Variants in BRAP observed in about 807,000 individuals in gnomAD.
The protein encoded by BRAP is BRCA1 associated protein.
Under a neutral mutation model 73.4 loss-of-function variants are expected in BRAP, and 42 were observed. The ratio of observed to expected loss-of-function variants is 0.57; its 90% CI spans 0.45 to 0.74. The LOEUF (loss-of-function observed/expected upper bound fraction) is 0.74. Ranked by LOEUF, BRAP falls within the 30% of genes least tolerant of loss-of-function variation. The pLI, the probability that BRAP is intolerant of heterozygous loss-of-function variation, is 0.00. For synonymous variants in BRAP, 255 were observed against 267.4 expected (o/e 0.95, Z 0.45); for missense variants, 593 against 751.4 (o/e 0.79, Z 2.46).
Position 111,685,832 on chromosome 12 carries a change from G to C in BRAP, c.-40C>G. 6.7e-7 allele frequency: 1 copy of C among 1,482,602 alleles called. No homozygotes were observed. Among genetic ancestry groups the C allele is most frequent in the Non-Finnish European group, 9.0e-7 (1 of 1,117,146 alleles). 91.8% of individuals were successfully genotyped at this position (1,482,602 alleles called of 1,614,324 possible). ...CCGGCGCGGGCCCCGGCGGGCTCAG[G>C]CGAGGCTGGAAGGCGAGCCGAGAGG... On this transcript the variant is annotated 5_prime_UTR_variant, in exon 1 of 12. Coordinates refer to ENST00000419234, the MANE Select transcript of BRAP (RefSeq NM_006768.5).
At chr12:111,676,023 C>T (rs948975638) in intron 4 of BRAP, among the ~76,000 whole-genome samples, 4 of 151,190 alleles carry the variant, frequency 2.6e-5, no homozygotes, top group African/African-American at 9.8e-5. Flanking sequence ...GGTAAGCACA[C>T]CCCCCCTTTT....
At chr12:111,682,497 C>CAAAAAAAAA (rs11366915) in intron 2 of BRAP, among the ~76,000 whole-genome samples, 43 of 77,706 alleles carry the variant, frequency 5.5e-4, no homozygotes, top group Non-Finnish European at 7.3e-4. Flanking sequence ...GAGACTGTCT[C>CAAAAAAAAA]AAAAAAAAAA....
At chr12:111,685,513 G>C (rs543555349) in intron 1 of BRAP, 198 bp downstream of exon 1, 70 of 1,258,382 alleles carry the variant, frequency 5.6e-5, no homozygotes, top group African/African-American at 7.8e-5. Flanking sequence ...AGGGAGGTTC[G>C]GGGCAGGGCT....
At chr12:111,657,276 T>G (rs1886572868) in intron 9 of BRAP, among the ~76,000 whole-genome samples, 1 of 152,032 alleles carries the variant, frequency 6.6e-6, no homozygotes, top group Admixed American at 6.6e-5. Context: ...ACTCCTGACC[T>G]CAGGTGATCC....
chr12:111,653,552 C>T (rs17628828), intron 10 of BRAP, among the ~76,000 whole-genome samples: 7,792 of 152,226 alleles, frequency 0.051, 264 homozygotes, highest in South Asian at 0.093. Context: ...GCTGTGCTCA[C>T]ATGCTATAAT....
intron 3 of BRAP, among the ~76,000 whole-genome samples, chr12:111,681,159 C>G (rs1438740675): frequency 6.6e-6 from 1 of 151,978 alleles, no homozygotes; most frequent in Non-Finnish European, 1.5e-5. Context: ...AACCTGAGGT[C>G]GGAGTTCAAG....
chr12:111,650,025 G>A lies in BRAP; in HGVS notation c.1329C>T (p.Thr443=), dbSNP rs1249546415. ...DTAEEINNMK[T]KFKETIEKCD... Reference sequence around the variant, plus strand: ...ACTTCTCAATTGTTTCTTTAAACTTGGTCTTCATGTTGTTAATCTGAAAGA... The same window carrying A: ...ACTTCTCAATTGTTTCTTTAAACTTAGTCTTCATGTTGTTAATCTGAAAGA... The change falls in exon 11 of 12, where the codon ACC becomes ACT. Residue 443 remains threonine, a synonymous_variant. Coordinates refer to ENST00000419234, the MANE Select transcript of BRAP (RefSeq NM_006768.5). 9 of 1,606,068 alleles carry A rather than the reference G, an allele frequency of 5.6e-6. No homozygotes were observed. The highest frequency in any genetic ancestry group is 4.5e-5 in the East Asian group (2 of 44,798).
rs568563023 is a variant in BRAP, at chr12:111,654,270, T to C, written c.1311+1296A>G. 1.0e-3 allele frequency among the ~76,000 whole-genome samples: 155 copies of C among 152,152 alleles called. 3 individuals carry two copies. The South Asian group carries it at 0.031, about 31-fold the overall frequency. ...ACATGCATTGATTAGAAGGCTCTTG[T>C]AAGAAGTTCATCAATAACTTTTAAC... On this transcript the variant is annotated intron_variant, in intron 10 of 11. Coordinates refer to ENST00000419234, the MANE Select transcript of BRAP (RefSeq NM_006768.5).
chr12:111,672,842 A>G lies in BRAP; in HGVS notation c.634-68T>C. The stretch of plus-strand genomic sequence containing the variant: ...ACCCTGAAAATCTGCTTTATATTCA[A>G]TATGCATGGCTTTATTCATTCTCAT... On this transcript the variant is annotated intron_variant, in intron 4 of 11. Coordinates refer to ENST00000419234, the MANE Select transcript of BRAP (RefSeq NM_006768.5). 8.2e-6 allele frequency: 10 copies of G among 1,225,892 alleles called. No individual in the cohort carries two copies. In the South Asian group the frequency reaches 1.3e-4, roughly 16 times the overall value. 75.9% of individuals were successfully genotyped at this position (1,225,892 alleles called of 1,614,324 possible). A position where few individuals can be genotyped will look rare whatever the true frequency, so the allele number is the denominator to read the frequency against.
At chr12:111,657,893 C>G (rs537110481) in intron 9 of BRAP, among the ~76,000 whole-genome samples, 55 of 151,930 alleles carry the variant, frequency 3.6e-4, no homozygotes, top group Middle Eastern at 3.4e-3. Context: ...GAACTTGAGA[C>G]AACTACAGAC....
intron 8 of BRAP, 140 bp downstream of exon 8, chr12:111,659,067 G>A: frequency 9.8e-7 from 1 of 1,016,796 alleles, no homozygotes; most frequent in Non-Finnish European, 1.4e-6. Flanking sequence ...GAAAAATAGT[G>A]CCCTCAGGGA....
chr12:111,674,110 C>T (rs1322954417), intron 4 of BRAP, among the ~76,000 whole-genome samples: 1 of 152,214 alleles, frequency 6.6e-6, no homozygotes, highest in African/African-American at 2.4e-5. Context: ...AGATTCAGGG[C>T]TGCACCAGGC....
chr12:111,658,919 AT>A (rs932418888), intron 8 of BRAP, 74 bp from the exon 9 acceptor site: 132 of 1,208,758 alleles, frequency 1.1e-4, no homozygotes, highest in Middle Eastern at 4.3e-4. Flanking sequence ...CTCTGACAAA[AT>A]TTTTTTTTCA....
rs1462724596 is a variant in BRAP at position 111,658,778 on chromosome 12, C to A, written c.1179G>T (p.Gly393=). 6.2e-7 allele frequency: 1 copy of A among 1,612,084 alleles called. No homozygotes were observed. Among genetic ancestry groups the A allele is most frequent in the African/African-American group, 1.3e-5 (1 of 74,822 alleles). ...DGKIVQYECE[G]DTCQEEKIDA... ...CTATTTTCTCTTCCTGGCAAGTATC[C>A]CCCTCACATTCATACTGTACTATTT... Residue 393 remains glycine, a synonymous_variant, in exon 9 of 12, where the codon GGG becomes GGT. Transcript: ENST00000419234.
chr12:111,668,335 T>C (rs1887036930), intron 5 of BRAP, among the ~76,000 whole-genome samples: 1 of 151,802 alleles, frequency 6.6e-6, no homozygotes, highest in South Asian at 2.1e-4. Context: ...TCATACAATG[T>C]TAATTTTTTT....
chr12:111,674,984 T>C (rs912676178), intron 4 of BRAP, among the ~76,000 whole-genome samples: 2 of 152,186 alleles, frequency 1.3e-5, no homozygotes, highest in Non-Finnish European at 2.9e-5. Context: ...CAGCCTCCTC[T>C]ACAGGAAAGG....
At chr12:111,662,926 A>T (rs75924430) in intron 6 of BRAP, among the ~76,000 whole-genome samples, 1 of 151,494 alleles carries the variant, frequency 6.6e-6, no homozygotes, top group East Asian at 1.9e-4. Context: ...TACCCTGGCC[A>T]ATGTGGCAAA....
Position 111,672,698 on chromosome 12 carries a change from A to T in BRAP, c.710T>A (p.Val237Glu), listed in dbSNP as rs755223844. ...NSIEDDVCQL[V>E]YVERAEVLKS... ...GAGCACTTCAGCTCTTTCCACATAC[A>T]CTAGCTGGCAAACGTCATCTTCTAT... Residue 237 changes from valine to glutamate, a missense_variant, in exon 5 of 12, where the codon GTG becomes GAG. Around this residue, in one of 4 missense-constraint regions of BRAP, gnomAD observed 304 missense variants for 337.7 expected, o/e 0.90. Coordinates refer to ENST00000419234, the MANE Select transcript of BRAP (RefSeq NM_006768.5). 1.2e-6 allele frequency: 2 copies of T among 1,614,002 alleles called. No homozygotes were observed. The highest frequency in any genetic ancestry group is 8.5e-7 in the Non-Finnish European group (1 of 1,180,000).
Position 111,643,874 on chromosome 12 carries a change from TG to T in BRAP, c.*324del, listed in dbSNP as rs1443525640. Reference sequence around the variant, plus strand: ...ATCTTAAACCTACCCCAGAACTGAATGTCAAATACGCCAACTCCATAAATAC... The same window carrying T: ...ATCTTAAACCTACCCCAGAACTGAATTCAAATACGCCAACTCCATAAATAC... On this transcript the variant is annotated 3_prime_UTR_variant, in exon 12 of 12. Transcript: ENST00000419234. 2 of 283,904 alleles carry T rather than the reference TG, an allele frequency of 7.0e-6. No individual in the cohort carries two copies. Among genetic ancestry groups the T allele is most frequent in the Non-Finnish European group, 1.3e-5 (2 of 151,110 alleles). The allele number at this position is 283,904 out of a possible 1,614,324, so 17.6% of individuals were successfully genotyped here.
Sources: allele counts gnomAD v4.1 joint callset (sites outside exome capture counted in the v4.1 genomes callset), GRCh38; gene constraint gnomAD v4.1.1; regional missense constraint gnomAD v4.1.1; transcripts MANE v1.5; gene names NCBI Gene and HGNC (gene_info 2026-07-23, HGNC 2026-07-21).